Variants in CHD9 observed in about 807,000 individuals in gnomAD.
The protein encoded by CHD9 is ATP-dependent chromatin remodeler CHD9.
A neutral mutation model predicts 316.1 loss-of-function variants in CHD9; 77 were observed. That is an observed-to-expected ratio of 0.24 (90% CI 0.20 to 0.29). CHD9 has a LOEUF of 0.29. Ranked by LOEUF, CHD9 falls within the 10% of genes least tolerant of loss-of-function variation. The pLI, the probability that CHD9 is intolerant of heterozygous loss-of-function variation, is 1.00. For synonymous variants in CHD9, 1,129 were observed against 1,158.3 expected, an observed-to-expected ratio of 0.97 and a Z score of 0.51; for missense variants, 2,763 against 3,438.1, an observed-to-expected ratio of 0.80 and a Z score of 4.91.
chr16:53,114,621 T>G (rs2038137498), intron 1 of CHD9, among the ~76,000 whole-genome samples: 1 of 151,946 alleles, frequency 6.6e-6, no homozygotes, highest in East Asian at 1.9e-4. Flanking sequence ...GGAGTCTCGC[T>G]CTGTCACCCA....
chr16:53,308,948 C>T (rs12596466), intron 34 of CHD9, 94 bp downstream of exon 34: 276,829 of 1,010,102 alleles, frequency 0.27, 39,290 homozygotes, highest in Middle Eastern at 0.33. Flanking sequence ...ATTTATTTTT[C>T]CTTTGTTGGA....
intron 24 of CHD9, among the ~76,000 whole-genome samples, chr16:53,280,041 G>A (rs945253074): frequency 1.3e-5 from 2 of 152,172 alleles, no homozygotes; most frequent in African/African-American, 4.8e-5. Flanking sequence ...TGGTATGGAT[G>A]TAGTGAACAA....
chr16:53,314,591 T>C, intron 35 of CHD9, 75 bp downstream of exon 35: 1 of 1,258,870 alleles, frequency 7.9e-7, no homozygotes, highest in Middle Eastern at 2.5e-4. Context: ...ATTATTGTTT[T>C]GTGAATGTTT....
At position 53,238,526 on chromosome 16, in the gene CHD9, T is replaced by A; in HGVS notation, c.2817T>A (p.His939Gln). 6.2e-7 allele frequency: 1 copy of A among 1,613,206 alleles called. No individual in the cohort carries two copies. Among genetic ancestry groups the A allele is most frequent in the Non-Finnish European group, 8.5e-7 (1 of 1,179,290 alleles). ...TWTDINVVVYHGSLISRQMIQ... is the reference protein window; with the variant it reads ...TWTDINVVVYQGSLISRQMIQ... Reference sequence around the variant, plus strand: ...CTGATATTAACGTTGTGGTTTATCATGGGAGCCTGATTAGCAGACAAATGA... The same window carrying A: ...CTGATATTAACGTTGTGGTTTATCAAGGGAGCCTGATTAGCAGACAAATGA... Residue 939 changes from histidine to glutamine, a missense_variant, in exon 12 of 39, where the codon CAT (histidine) becomes CAA (glutamine). This residue lies in a region of CHD9 where 186 missense variants were observed against 245.0 expected (regional missense o/e 0.76). Coordinates refer to ENST00000447540, the MANE Select transcript of CHD9 (RefSeq NM_001308319.2).
intron 37 of CHD9, among the ~76,000 whole-genome samples, chr16:53,319,382 G>T (rs1209532502): frequency 6.6e-6 from 1 of 152,128 alleles, no homozygotes; most frequent in Non-Finnish European, 1.5e-5. Context: ...GGAATTAGAA[G>T]AAAACTATTT....
At chr16:53,304,737 C>G (rs1334647686) in intron 31 of CHD9, 112 bp downstream of exon 31, 4 of 967,874 alleles carry the variant, frequency 4.1e-6, no homozygotes, top group Non-Finnish European at 5.8e-6. Context: ...TCTTGTTGCC[C>G]AGGCTGGAGT....
chr16:53,226,538 C>T (rs761789559), intron 5 of CHD9, 26 bp downstream of exon 5: 1 of 1,582,378 alleles, frequency 6.3e-7, no homozygotes, highest in East Asian at 2.3e-5. Flanking sequence ...ATTATGACTG[C>T]AAAACATTTT....
At chr16:53,151,626 C>A (rs1416898945) in intron 1 of CHD9, among the ~76,000 whole-genome samples, 2 of 152,124 alleles carry the variant, frequency 1.3e-5, no homozygotes, top group Non-Finnish European at 1.5e-5. Context: ...ATCTTCAAGT[C>A]TTCAAGTTTG....
At chr16:53,162,423 C>A (rs2041976075) in intron 2 of CHD9, among the ~76,000 whole-genome samples, 2 of 152,170 alleles carry the variant, frequency 1.3e-5, no homozygotes, top group African/African-American at 4.8e-5. Context: ...TTATTGCTCT[C>A]ATAACAAATA....
At chr16:53,218,251 A>G (rs1011640294) in intron 3 of CHD9, among the ~76,000 whole-genome samples, 1 of 152,156 alleles carries the variant, frequency 6.6e-6, no homozygotes, top group African/African-American at 2.4e-5. Context: ...GCTATTCCAG[A>G]CATGTAGAAC....
chr16:53,320,981 A>G (rs937999133), intron 37 of CHD9, among the ~76,000 whole-genome samples: 6 of 152,172 alleles, frequency 3.9e-5, no homozygotes, highest in African/African-American at 7.2e-5. Flanking sequence ...AAATAATACT[A>G]TCTCCAAAGG....
At chr16:53,138,564 A>G (rs1274690654) in intron 1 of CHD9, among the ~76,000 whole-genome samples, 1 of 152,256 alleles carries the variant, frequency 6.6e-6, no homozygotes, top group Non-Finnish European at 1.5e-5. Flanking sequence ...AACTGAGTTC[A>G]GAAGATTCTT....
At chr16:53,218,567 A>G (rs962343260) in intron 3 of CHD9, among the ~76,000 whole-genome samples, 16 of 152,176 alleles carry the variant, frequency 1.1e-4, no homozygotes, top group Non-Finnish European at 1.9e-4. Flanking sequence ...GCTATTGTAA[A>G]GGAATAGCGG....
In CHD9 at chr16:53,211,138, A is replaced by G. The variant is rs547241125; in HGVS notation, c.1784+1325A>G. 3.9e-5 allele frequency among the ~76,000 whole-genome samples: 6 copies of G among 152,238 alleles called. No individual in the cohort carries two copies. The South Asian group carries it at 1.2e-3, about 32-fold the overall frequency. On this transcript the variant is annotated intron_variant, in intron 3 of 38. Transcript: ENST00000447540. The stretch of plus-strand genomic sequence containing the variant: ...AGAGTAGAATACTATTTGGAAGAGT[A>G]ACGTTTTGAAAAACAATGCATAAAA...
intron 15 of CHD9, among the ~76,000 whole-genome samples, chr16:53,246,546 G>A (rs1597622273): frequency 6.6e-6 from 1 of 151,918 alleles, no homozygotes; most frequent in Non-Finnish European, 1.5e-5. Context: ...TTAAGATACA[G>A]TGTCATTCTA....
At chr16:53,166,642 C>G (rs1597245496) in intron 2 of CHD9, among the ~76,000 whole-genome samples, 1 of 152,100 alleles carries the variant, frequency 6.6e-6, no homozygotes, top group East Asian at 1.9e-4. Context: ...CAAGGTTTCT[C>G]TATTTGGGCA....
chr16:53,322,291 C>A lies in CHD9; in HGVS notation c.7818+661C>A, dbSNP rs370070967. Reference sequence around the variant, plus strand: ...GGATTACAGGCCTGAGCCACCATTCCCAGCCTAGGCAACTATTTTAAAGAG... The same window carrying A: ...GGATTACAGGCCTGAGCCACCATTCACAGCCTAGGCAACTATTTTAAAGAG... On this transcript the variant is annotated intron_variant, in intron 38 of 38. Transcript: ENST00000447540. 1.1e-4 allele frequency among the ~76,000 whole-genome samples: 17 copies of A among 151,618 alleles called. No homozygotes were observed. In the East Asian group the frequency reaches 2.0e-3, roughly 18 times the overall value.
chr16:53,204,044 A>ATATAT (rs1473280245), intron 2 of CHD9, among the ~76,000 whole-genome samples: 16 of 103,602 alleles, frequency 1.5e-4, no homozygotes, highest in Non-Finnish European at 2.0e-4. Flanking sequence ...AAAAAAAAAA[A>ATATAT]AAAAATATAT....
chr16:53,280,260 G>A (rs60728693), intron 24 of CHD9, among the ~76,000 whole-genome samples: 4,943 of 152,184 alleles, frequency 0.032, 99 homozygotes, highest in Middle Eastern at 0.071. Context: ...TGCAAAAAAC[G>A]TGGAACCAAC....
Sources: gnomAD v4.1 joint callset for allele counts (sites outside exome capture counted in the v4.1 genomes callset) on GRCh38, gnomAD v4.1.1 for gene constraint, gnomAD v4.1.1 regional missense constraint, MANE v1.5 for transcripts, NCBI Gene and HGNC (gene_info 2026-07-23, HGNC 2026-07-21) for gene names.